NOS1: variants seen among roughly 807,000 people sequenced by gnomAD.
NOS1 encodes nitric oxide synthase 1.
In NOS1, 51 loss-of-function variants were observed where a neutral mutation model predicts 164.5. That is an observed-to-expected ratio of 0.31 (90% CI 0.25 to 0.39). The LOEUF (loss-of-function observed/expected upper bound fraction) is 0.39. Among genes scored for constraint, NOS1 ranks in the 10% least tolerant of loss-of-function variants. NOS1 has a pLI of 1.00. For missense variants in NOS1, 1,362 were observed against 1,885.6 expected, an observed-to-expected ratio of 0.72 and a Z score of 5.14; for synonymous variants, 719 against 745.8, an observed-to-expected ratio of 0.96 and a Z score of 0.59.
chr12:117,328,253 C>T (rs1273548864), intron 2 of NOS1, among the ~76,000 whole-genome samples: 1 of 152,148 alleles, frequency 6.6e-6, no homozygotes, highest in African/African-American at 2.4e-5. Flanking sequence ...TCACTGCAAC[C>T]TCTGTCTCCC....
chr12:117,280,126 C>T (rs1041687614), intron 8 of NOS1, among the ~76,000 whole-genome samples: 2 of 152,158 alleles, frequency 1.3e-5, no homozygotes, highest in African/African-American at 4.8e-5. Context: ...TACCTGCCCG[C>T]ACTACCACCT....
chr12:117,342,765 A>G (rs750365930), intron 1 of NOS1, among the ~76,000 whole-genome samples: 25 of 152,108 alleles, frequency 1.6e-4, no homozygotes, highest in Non-Finnish European at 1.8e-4. Flanking sequence ...AATGGGTGGG[A>G]AAAGCAAGGC....
Position 117,209,575 on chromosome 12 carries a change from C to T in NOS1, c.*5734G>A, listed in dbSNP as rs899724632. 4.1e-6 allele frequency: 4 copies of T among 985,316 alleles called. No homozygotes were observed. The African/African-American group carries it at 7.0e-5, about 17-fold the overall frequency. The allele number at this position is 985,316 out of a possible 1,614,324, so 61.0% of individuals were successfully genotyped here. ...GTGTTTTGGGCCAGACGGGCATAGC[C>T]CCGCTTGACCAGAACTGTTTGGGTA... is the stretch of plus-strand genomic sequence containing the variant. On this transcript the variant is annotated 3_prime_UTR_variant, in exon 29 of 29. Coordinates refer to ENST00000317775, the MANE Select transcript of NOS1 (RefSeq NM_000620.5).
In NOS1 at chr12:117,324,421, C is replaced by A. The variant is rs57799993; in HGVS notation, c.725+5924G>T. Among the ~76,000 whole-genome samples the A allele has an allele frequency of 2.6e-5, 4 of 152,116 alleles. No individual in the cohort carries two copies. The South Asian group carries it at 8.3e-4, about 32-fold the overall frequency. On this transcript the variant is annotated intron_variant, in intron 2 of 28. Transcript: ENST00000317775. ...GCTGAGTAACCTGGATATTCTCTTA[C>A]ACGCAGCATTTTAAAGTGACCGCTC...
chr12:117,280,469 C>T (rs1317795999), intron 8 of NOS1, among the ~76,000 whole-genome samples: 4 of 152,104 alleles, frequency 2.6e-5, no homozygotes, highest in South Asian at 2.1e-4. Context: ...TGGTGAGACT[C>T]GGTCTACCCA....
At chr12:117,278,929 CATTA>C (rs1873399560) in intron 8 of NOS1, among the ~76,000 whole-genome samples, 1 of 149,394 alleles carries the variant, frequency 6.7e-6, no homozygotes, top group South Asian at 2.1e-4. Context: ...TAAATATCAA[CATTA>C]ATTTATTAAT....
In NOS1 at chr12:117,272,187, G is replaced by A. The variant is rs368532166; in HGVS notation, c.1839+198C>T. On this transcript the variant is annotated intron_variant, in intron 10 of 28. Transcript: ENST00000317775. This position sits in a 1 kb window ranked among gnomAD's most constrained non-coding sequence, Gnocchi z 4.3. Reference sequence around the variant, plus strand: ...GCTGTTAGCACGTGCTATGTGCTATGTGCGTGTTTGCTGTTATTTTCATTG... The same window carrying A: ...GCTGTTAGCACGTGCTATGTGCTATATGCGTGTTTGCTGTTATTTTCATTG... 8.7e-4 allele frequency among the ~76,000 whole-genome samples: 133 copies of A among 152,294 alleles called. No individual in the cohort carries two copies. The highest frequency in any genetic ancestry group is 3.1e-3 in the South Asian group (15 of 4,820).
chr12:117,334,859 C>T (rs978891840), intron 1 of NOS1, among the ~76,000 whole-genome samples: 1 of 152,214 alleles, frequency 6.6e-6, no homozygotes, highest in Non-Finnish European at 1.5e-5. Flanking sequence ...TAAGGACACC[C>T]GCTTGTCCCG....
chr12:117,305,693 C>T (rs1385038502), intron 3 of NOS1, among the ~76,000 whole-genome samples: 1 of 152,066 alleles, frequency 6.6e-6, no homozygotes, highest in Admixed American at 6.6e-5. Context: ...TATATCTGAG[C>T]GCTAGGGTCT....
Position 117,215,275 on chromosome 12 carries a change from C to G in NOS1, c.*34G>C. 1 of 1,542,524 alleles carries G rather than the reference C, an allele frequency of 6.5e-7. No individual in the cohort carries two copies. Among genetic ancestry groups the G allele is most frequent in the Non-Finnish European group, 8.7e-7 (1 of 1,143,690 alleles). ...GTTCAGCAGTGTCTGTCCGCGCTTA[C>G]AAAACTTGCAGCCGGCTGGGCAAGA... On this transcript the variant is annotated 3_prime_UTR_variant, in exon 29 of 29. Transcript: ENST00000317775.
At chr12:117,309,749 T>C (rs1874336739) in intron 3 of NOS1, among the ~76,000 whole-genome samples, 2 of 152,162 alleles carry the variant, frequency 1.3e-5, no homozygotes, top group African/African-American at 2.4e-5. Context: ...TGGCAGAGAC[T>C]AAAAAGTTGG....
At chr12:117,336,488 G>T (rs929471278) in intron 1 of NOS1, among the ~76,000 whole-genome samples, 2 of 152,178 alleles carry the variant, frequency 1.3e-5, no homozygotes, top group Non-Finnish European at 2.9e-5. Context: ...ACTGTGGCAG[G>T]TTCAGTTGCA....
At chr12:117,351,900 G>A (rs1016095805) in intron 1 of NOS1, among the ~76,000 whole-genome samples, 2 of 152,220 alleles carry the variant, frequency 1.3e-5, no homozygotes, top group South Asian at 2.1e-4. Flanking sequence ...TCAAGAACCT[G>A]CTGAGCATGG....
At chr12:117,291,405 C>T (rs771250490) in intron 3 of NOS1, among the ~76,000 whole-genome samples, 1 of 152,020 alleles carries the variant, frequency 6.6e-6, no homozygotes, top group Non-Finnish European at 1.5e-5. Flanking sequence ...TTTATGGGGA[C>T]CTTTAGTCCC....
intron 1 of NOS1, among the ~76,000 whole-genome samples, chr12:117,350,613 C>T (rs901532600): frequency 3.3e-5 from 5 of 152,194 alleles, no homozygotes; most frequent in African/African-American, 1.2e-4. Flanking sequence ...GTCCTGGATC[C>T]AGGAAGCAAA....
chr12:117,232,023 T>C lies in NOS1; in HGVS notation c.3344A>G (p.Gln1115Arg), dbSNP rs1282498973. The stretch of plus-strand genomic sequence containing the variant: ...GCTGGTAGCTAGGGAGGCAAACTGC[T>C]GCAGCTGCAGAGGCGTTGGTGGCGT... The part of the protein sequence containing the change: ...ITTPPTPLQL[Q>R]QFASLATSEK... Residue 1115 changes from glutamine to arginine, a missense_variant, in exon 22 of 29, where the codon CAG becomes CGG. By Grantham distance (43) the Gln-to-Arg change is conservative. Coordinates refer to ENST00000317775, the MANE Select transcript of NOS1 (RefSeq NM_000620.5). The C allele has an allele frequency of 6.2e-7, 1 of 1,612,842 alleles. No homozygotes were observed.
chr12:117,337,181 T>C (rs1593033578), intron 1 of NOS1, among the ~76,000 whole-genome samples: 1 of 138,892 alleles, frequency 7.2e-6, no homozygotes, highest in East Asian at 2.2e-4. Flanking sequence ...AGTGGCGCGA[T>C]CTCGGCTCAC....
At chr12:117,230,374 A>C (rs1869108138) in intron 22 of NOS1, among the ~76,000 whole-genome samples, 1 of 152,258 alleles carries the variant, frequency 6.6e-6, no homozygotes. Context: ...TGTAAAGCTT[A>C]TGATTAAAAA....
intron 1 of NOS1, among the ~76,000 whole-genome samples, chr12:117,340,871 C>CTTTT (rs775978271): frequency 6.2e-5 from 6 of 96,432 alleles, no homozygotes; most frequent in South Asian, 3.6e-4. Context: ...TCACACCTGG[C>CTTTT]TATTTTTTTT....
Sources: gnomAD v4.1 joint callset for allele counts (sites outside exome capture counted in the v4.1 genomes callset) on GRCh38, gnomAD v4.1.1 for gene constraint, Gnocchi (gnomAD v3.1) non-coding constraint, MANE v1.5 for transcripts, NCBI Gene and HGNC (gene_info 2026-07-23, HGNC 2026-07-21) for gene names.